The following NBEA variants were observed in gnomAD, a reference collection of about 807,000 sequenced individuals.
The protein encoded by NBEA is neurobeachin.
In NBEA, 44 loss-of-function variants were observed where a neutral mutation model predicts 343.4. The observed-to-expected ratio is 0.13, with a 90% CI of 0.10 to 0.16. NBEA has a LOEUF of 0.16. NBEA is among the 10% of genes least tolerant of loss of function. NBEA has a pLI of 1.00. For synonymous variants in NBEA, 1,175 were observed against 1,238.7 expected (o/e 0.95, Z 1.08); for missense variants, 2,555 against 3,631.3 (o/e 0.70, Z 7.62).
intron 38 of NBEA, among the ~76,000 whole-genome samples, chr13:35,366,679 A>G (rs191304253): frequency 3.9e-4 from 58 of 149,606 alleles, no homozygotes; most frequent in South Asian, 2.1e-4. Flanking sequence ...CTTTCCCCCA[A>G]TGTAAGCAGC....
intron 34 of NBEA, among the ~76,000 whole-genome samples, chr13:35,286,645 T>C (rs2035443331): frequency 6.6e-6 from 1 of 152,150 alleles, no homozygotes; most frequent in Non-Finnish European, 1.5e-5. Flanking sequence ...TTTATTAAAA[T>C]AATATCATTG....
Position 35,499,669 on chromosome 13 carries a change from C to T in NBEA, c.6585+27133C>T, listed in dbSNP as rs573845128. Among the ~76,000 whole-genome samples, 23 of 152,176 alleles carry T rather than the reference C, an allele frequency of 1.5e-4. No individual in the cohort carries two copies. In the South Asian group the frequency reaches 4.6e-3, roughly 30 times the overall value. The stretch of plus-strand genomic sequence containing the variant: ...TTACTTCATGTTTTACACCTGTCTG[C>T]GTATCATGCACCCGCTTGTCTCTGT... On this transcript the variant is annotated intron_variant, in intron 41 of 58. Transcript: ENST00000379939.
chr13:34,979,322 C>A (rs1227605497), intron 1 of NBEA, among the ~76,000 whole-genome samples: 1 of 152,094 alleles, frequency 6.6e-6, no homozygotes, highest in South Asian at 2.1e-4. Context: ...GAGTTCGAGA[C>A]CAGTCTGGCC....
intron 38 of NBEA, among the ~76,000 whole-genome samples, chr13:35,354,182 T>G (rs116423122): frequency 0.011 from 1,649 of 152,266 alleles, 28 homozygotes; most frequent in African/African-American, 0.037. Context: ...CCTAGCCAGG[T>G]TGACATAAAA....
chr13:35,408,748 A>C (rs2043412835), intron 38 of NBEA, among the ~76,000 whole-genome samples: 1 of 152,228 alleles, frequency 6.6e-6, no homozygotes, highest in South Asian at 2.1e-4. Flanking sequence ...TATGAAAAAA[A>C]GTTCAACATC....
chr13:35,282,719 C>T (rs1181704827), intron 34 of NBEA, among the ~76,000 whole-genome samples: 2 of 152,088 alleles, frequency 1.3e-5, no homozygotes, highest in Admixed American at 6.6e-5. Flanking sequence ...GTATCTCATT[C>T]AATTTCAAAA....
intron 41 of NBEA, chr13:35,475,543 C>T (rs1433844226): frequency 6.2e-7 from 1 of 1,613,200 alleles, no homozygotes; most frequent in Admixed American, 1.7e-5. Flanking sequence ...CTCCGCCACC[C>T]GGTTGGGTCC....
Position 35,452,207 on chromosome 13 carries a change from A to C in NBEA, c.6420A>C (p.Leu2140=). ...LEGDDDAVSL[L]QEKEIDNLAG... is the part of the protein sequence containing the mutation. ...GAGACGATGATGCAGTCAGTCTGCT[A>C]CAGGAGAAAGAAATTGACAACCTTG... Residue 2140 remains leucine, a synonymous_variant, in exon 40 of 59, where the codon CTA becomes CTC. Coordinates refer to ENST00000379939, the MANE Select transcript of NBEA (RefSeq NM_001385012.1). 1.3e-6 allele frequency: 2 copies of C among 1,592,002 alleles called. No homozygotes were observed. The highest frequency in any genetic ancestry group is 1.7e-6 in the Non-Finnish European group (2 of 1,168,590).
chr13:35,637,554 TG>T, intron 49 of NBEA, among the ~76,000 whole-genome samples: 1 of 152,174 alleles, frequency 6.6e-6, no homozygotes, highest in Non-Finnish European at 1.5e-5. Context: ...CCAGGCGCAG[TG>T]GCTCACACCT....
intron 11 of NBEA, among the ~76,000 whole-genome samples, chr13:35,104,427 T>C (rs1424796837): frequency 6.6e-6 from 1 of 151,958 alleles, no homozygotes. Flanking sequence ...TCTCCCCTTA[T>C]TGCTGTATCT....
At chr13:35,126,077 C>T (rs1246109614) in intron 17 of NBEA, among the ~76,000 whole-genome samples, 1 of 152,138 alleles carries the variant, frequency 6.6e-6, no homozygotes, top group Non-Finnish European at 1.5e-5. Context: ...ACTTGTAATC[C>T]TCACCTGTAA....
At chr13:35,119,479 A>G (rs780445630) in intron 16 of NBEA, among the ~76,000 whole-genome samples, 1 of 152,208 alleles carries the variant, frequency 6.6e-6, no homozygotes, top group Non-Finnish European at 1.5e-5. Context: ...CTCTTTATGC[A>G]TATCTCAGTT....
intron 1 of NBEA, among the ~76,000 whole-genome samples, chr13:34,952,317 T>G (rs1429765633): frequency 1.3e-5 from 2 of 152,178 alleles, no homozygotes; most frequent in Non-Finnish European, 2.9e-5. Context: ...CAGAGGAAAT[T>G]AAAAATGAAT....
At chr13:35,632,766 G>A (rs1350602052) in intron 49 of NBEA, among the ~76,000 whole-genome samples, 1 of 151,874 alleles carries the variant, frequency 6.6e-6, no homozygotes, top group Non-Finnish European at 1.5e-5. Context: ...GCTAATTTTT[G>A]TATTTTTAGT....
chr13:35,314,073 G>A (rs950613989), intron 36 of NBEA, among the ~76,000 whole-genome samples: 1 of 152,168 alleles, frequency 6.6e-6, no homozygotes, highest in African/African-American at 2.4e-5. Context: ...TTGGCCTTTA[G>A]TGGAAGAGCA....
At chr13:35,302,010 C>A (rs2036586630) in intron 35 of NBEA, among the ~76,000 whole-genome samples, 1 of 152,172 alleles carries the variant, frequency 6.6e-6, no homozygotes, top group Non-Finnish European at 1.5e-5. Context: ...GTCATTAATT[C>A]TCCAACTCTT....
At chr13:35,119,548 A>G (rs2066678005) in intron 16 of NBEA, among the ~76,000 whole-genome samples, 1 of 152,138 alleles carries the variant, frequency 6.6e-6, no homozygotes, top group Admixed American at 6.5e-5. Context: ...TATTTGAAGA[A>G]GATTATACAT....
intron 10 of NBEA, among the ~76,000 whole-genome samples, chr13:35,075,593 A>G (rs1304521280): frequency 6.6e-6 from 1 of 152,134 alleles, no homozygotes; most frequent in African/African-American, 2.4e-5. Context: ...CAACAGTCCT[A>G]TCATATGAAC....
At chr13:35,392,484 G>GTTTTTTTTTT in intron 38 of NBEA, among the ~76,000 whole-genome samples, 1 of 136,300 alleles carries the variant, frequency 7.3e-6, no homozygotes, top group Non-Finnish European at 1.6e-5. Flanking sequence ...TGTTTTTTTT[G>GTTTTTTTTTT]TTTTTTTTTT....
Sources: allele counts gnomAD v4.1 joint callset (sites outside exome capture counted in the v4.1 genomes callset), GRCh38; gene constraint gnomAD v4.1.1; transcripts MANE v1.5; gene names NCBI Gene and HGNC (gene_info 2026-07-23, HGNC 2026-07-21).